Variants in PALM2AKAP2 observed in about 807,000 individuals in gnomAD.
The protein encoded by PALM2AKAP2 is PALM2-AKAP2 fusion protein.
In PALM2AKAP2, 37 loss-of-function variants were observed where a neutral mutation model predicts 71.5. The observed-to-expected ratio is 0.52, with a 90% CI of 0.40 to 0.68. The LOEUF (loss-of-function observed/expected upper bound fraction) is 0.68, where lower values mean the gene tolerates loss of function less well. PALM2AKAP2 is among the 30% of genes least tolerant of loss of function. PALM2AKAP2 has a pLI of 0.00. For missense variants in PALM2AKAP2, 1,224 were observed against 1,191.8 expected, an observed-to-expected ratio of 1.03 and a Z score of -0.40; for synonymous variants, 468 against 478.8, an observed-to-expected ratio of 0.98 and a Z score of 0.29.
chr9:109,829,890 G>C (rs1828252910), intron 1 of PALM2AKAP2, among the ~76,000 whole-genome samples: 1 of 152,010 alleles, frequency 6.6e-6, no homozygotes, highest in Non-Finnish European at 1.5e-5. Flanking sequence ...GTTCAGTTAG[G>C]AAGACAAACA....
chr9:109,664,704 T>C (rs1244042639), intron 1 of PALM2AKAP2, among the ~76,000 whole-genome samples: 1 of 152,178 alleles, frequency 6.6e-6, no homozygotes, highest in Non-Finnish European at 1.5e-5. Context: ...TTTGTGGTGT[T>C]CTCTGTATTT....
chr9:109,855,494 A>G (rs544293220), intron 1 of PALM2AKAP2, among the ~76,000 whole-genome samples: 2 of 152,372 alleles, frequency 1.3e-5, no homozygotes, highest in African/African-American at 4.8e-5. Context: ...GAGAGAAACC[A>G]TGAATGAGAG....
chr9:110,121,711 C>T (rs140943035), intron 1 of PALM2AKAP2, among the ~76,000 whole-genome samples: 72 of 152,276 alleles, frequency 4.7e-4, no homozygotes, highest in African/African-American at 1.7e-3. Context: ...AAAATCCTTC[C>T]GTTAAAGAGA....
intron 1 of PALM2AKAP2, among the ~76,000 whole-genome samples, chr9:110,118,429 G>A (rs552926409): frequency 6.6e-6 from 1 of 152,042 alleles, no homozygotes; most frequent in South Asian, 2.1e-4. Context: ...TGTATTTTTA[G>A]TAGAGACAGG....
chr9:109,950,704 T>C (rs1249359605), intron 6 of PALM2AKAP2, among the ~76,000 whole-genome samples: 4 of 152,242 alleles, frequency 2.6e-5, no homozygotes, highest in African/African-American at 7.2e-5. Flanking sequence ...CTGGTTCCCA[T>C]GCAAATCGCT....
At chr9:109,655,668 A>G (rs1827293678) in intron 1 of PALM2AKAP2, among the ~76,000 whole-genome samples, 2 of 151,862 alleles carry the variant, frequency 1.3e-5, no homozygotes, top group Non-Finnish European at 2.9e-5. Context: ...GGTGCCCCAT[A>G]TATGTAGAAT....
chr9:109,784,387 A>G (rs917127781), intron 1 of PALM2AKAP2, among the ~76,000 whole-genome samples: 10 of 152,262 alleles, frequency 6.6e-5, no homozygotes. Context: ...CATTAGAGTA[A>G]GTCCTGAAAA....
chr9:109,897,380 G>T lies in PALM2AKAP2; in HGVS notation c.257+16699G>T, dbSNP rs148289777. Among the ~76,000 whole-genome samples the T allele has an allele frequency of 6.3e-3, 959 of 152,168 alleles. 16 individuals carry two copies. The highest frequency in any genetic ancestry group is 0.022 in the African/African-American group (909 of 41,524). On this transcript the variant is annotated intron_variant, in intron 3 of 9. Coordinates refer to the PALM2AKAP2 transcript ENST00000302798. ...GTGGATCACGAGTTCTGGAGTTCAA[G>T]ACCAGCCTGGCTAAGATGGTGAAAC...
At chr9:109,700,636 A>G (rs914856475) in intron 1 of PALM2AKAP2, among the ~76,000 whole-genome samples, 29 of 152,162 alleles carry the variant, frequency 1.9e-4, no homozygotes, top group African/African-American at 7.0e-4. Context: ...CTTGTTCACA[A>G]TTACACTTTG....
chr9:110,068,087 C>CTTTTTTTT lies in PALM2AKAP2; in HGVS notation c.156+19242_156+19249dup, dbSNP rs5899875. 6.3e-3 allele frequency among the ~76,000 whole-genome samples: 768 copies of CTTTTTTTT among 122,794 alleles called. 37 individuals carry two copies. The highest frequency in any genetic ancestry group is 0.025 in the African/African-American group (736 of 29,074). The allele number at this position is 122,794 out of a possible 152,430, so 80.6% of individuals were successfully genotyped here. A position where few individuals can be genotyped will look rare whatever the true frequency, so the allele number is the denominator to read the frequency against. ...GTTGTATTTGCTTATGTTCCAAACT[C>CTTTTTTTT]TTTTTTTTTTTTTTTTTGGTAAGAT... On this transcript the variant is annotated intron_variant, in intron 1 of 3. Coordinates refer to ENST00000374525, the Ensembl canonical transcript of PALM2AKAP2.
At chr9:109,654,694 G>A (rs1827271751) in intron 1 of PALM2AKAP2, among the ~76,000 whole-genome samples, 1 of 151,856 alleles carries the variant, frequency 6.6e-6, no homozygotes, top group Non-Finnish European at 1.5e-5. Flanking sequence ...GCAAGTAGAG[G>A]AGGAGTGTTC....
At chr9:109,874,884 C>T (rs1829685082) in intron 2 of PALM2AKAP2, among the ~76,000 whole-genome samples, 1 of 152,180 alleles carries the variant, frequency 6.6e-6, no homozygotes, top group African/African-American at 2.4e-5. Flanking sequence ...CCAGAATGTA[C>T]CACCATGCCT....
chr9:110,073,309 C>T (rs1230466547), intron 1 of PALM2AKAP2, among the ~76,000 whole-genome samples: 4 of 152,194 alleles, frequency 2.6e-5, no homozygotes, highest in African/African-American at 9.7e-5. Flanking sequence ...AAAAAGACTA[C>T]AGGTTGTTCT....
At chr9:109,691,606 A>G (rs7024080) in intron 1 of PALM2AKAP2, among the ~76,000 whole-genome samples, 55,759 of 150,706 alleles carry the variant, frequency 0.37, 10,636 homozygotes, top group Middle Eastern at 0.52. Context: ...TTTCTAGTCT[A>G]TGGTCTTCAT....
chr9:110,052,226 A>G (rs1476403835), intron 1 of PALM2AKAP2, among the ~76,000 whole-genome samples: 1 of 152,020 alleles, frequency 6.6e-6, no homozygotes, highest in Non-Finnish European at 1.5e-5. Context: ...TACTGTGCAA[A>G]CTCAACACCC....
At chr9:109,682,394 A>G (rs775783395) in intron 1 of PALM2AKAP2, among the ~76,000 whole-genome samples, 3 of 152,212 alleles carry the variant, frequency 2.0e-5, no homozygotes, top group Admixed American at 6.5e-5. Context: ...TGCATCTTCT[A>G]CTGAAAATGT....
intron 3 of PALM2AKAP2, among the ~76,000 whole-genome samples, chr9:109,908,741 A>G (rs1403667648): frequency 6.6e-6 from 1 of 152,156 alleles, no homozygotes; most frequent in Non-Finnish European, 1.5e-5. Context: ...CAACAGGCAA[A>G]AATATGGTGA....
upstream of PALM2AKAP2, among the ~76,000 whole-genome samples, chr9:109,776,071 G>A (rs2118777103): frequency 6.6e-6 from 1 of 152,226 alleles, no homozygotes. Context: ...AATGTTTGGA[G>A]GGCAAATAGT....
intron 6 of PALM2AKAP2, among the ~76,000 whole-genome samples, chr9:109,957,724 T>TG (rs1437114070): frequency 6.6e-6 from 1 of 152,212 alleles, no homozygotes; most frequent in Non-Finnish European, 1.5e-5. Context: ...TATTAGAACC[T>TG]GGGACATTTT....
Sources: gnomAD v4.1 joint callset for allele counts (sites outside exome capture counted in the v4.1 genomes callset) on GRCh38, gnomAD v4.1.1 for gene constraint, MANE v1.5 for transcripts, NCBI Gene and HGNC (gene_info 2026-07-23, HGNC 2026-07-21) for gene names.